The following CAMK2B variants were observed in gnomAD, a reference collection of about 807,000 sequenced individuals.
CAMK2B encodes the protein calcium/calmodulin-dependent protein kinase type II subunit beta.
Under a neutral mutation model 93.7 loss-of-function variants are expected in CAMK2B, and 27 were observed. The ratio of observed to expected loss-of-function variants is 0.29; its 90% CI spans 0.21 to 0.40. CAMK2B has a LOEUF of 0.40. Ranked by LOEUF, CAMK2B falls within the 10% of genes least tolerant of loss-of-function variation. The pLI, the probability that CAMK2B is intolerant of heterozygous loss-of-function variation, is 1.00. For missense variants in CAMK2B, 568 were observed against 895.8 expected (o/e 0.63, Z 4.67); for synonymous variants, 374 against 358.8 (o/e 1.04, Z -0.48).
rs1785189578 is a variant in CAMK2B, at chr7:44,286,575, T to C, written c.66-2350A>G. 6.6e-6 allele frequency among the ~76,000 whole-genome samples: 1 copy of C among 152,160 alleles called. No homozygotes were observed. The highest frequency in any genetic ancestry group is 1.5e-5 in the Non-Finnish European group (1 of 68,020). Reference sequence around the variant, plus strand: ...GCAGAGGGCGGCAAGCCACAGCTGTTCCTCAGCACACGACATCCATGCACC... The same window carrying C: ...GCAGAGGGCGGCAAGCCACAGCTGTCCCTCAGCACACGACATCCATGCACC... On this transcript the variant is annotated intron_variant, in intron 1 of 23. Coordinates refer to ENST00000395749, the MANE Select transcript of CAMK2B (RefSeq NM_001220.5). This position sits in a 1 kb window ranked among gnomAD's most constrained non-coding sequence, Gnocchi z 4.0.
chr7:44,254,463 A>G, intron 5 of CAMK2B, 79 bp downstream of exon 5: 2 of 1,037,318 alleles, frequency 1.9e-6, no homozygotes, highest in Non-Finnish European at 3.0e-6. Context: ...GGTTAGAAAG[A>G]GCAGCAGGAG....
chr7:44,231,118 G>T, intron 16 of CAMK2B, 64 bp from the exon 17 acceptor site: 1 of 1,357,740 alleles, frequency 7.4e-7, no homozygotes. Context: ...GTGGCTGAGG[G>T]CAGGTGGACA....
At chr7:44,276,165 T>C (rs1192028053) in intron 2 of CAMK2B, among the ~76,000 whole-genome samples, 1 of 113,760 alleles carries the variant, frequency 8.8e-6, no homozygotes, top group Non-Finnish European at 1.8e-5. Context: ...GCAGGGCCCC[T>C]GAGCCGGGGA....
intron 2 of CAMK2B, among the ~76,000 whole-genome samples, chr7:44,265,903 T>C: frequency 6.6e-6 from 1 of 151,596 alleles, no homozygotes; most frequent in East Asian, 1.9e-4. Flanking sequence ...TGACACAAGA[T>C]CTAAGCTGGT....
intron 1 of CAMK2B, chr7:44,323,915 G>C (rs1432194018): frequency 6.2e-6 from 1 of 161,138 alleles, no homozygotes; most frequent in African/African-American, 2.4e-5. Context: ...CCCACTCAGG[G>C]ATCCGCATGA....
chr7:44,274,183 C>G (rs1200781832), intron 2 of CAMK2B, among the ~76,000 whole-genome samples: 2 of 152,200 alleles, frequency 1.3e-5, no homozygotes, highest in Non-Finnish European at 2.9e-5. Context: ...CTAATCACTC[C>G]ACACCGAGCT....
chr7:44,233,477 A>T (rs1253842758), intron 15 of CAMK2B, among the ~76,000 whole-genome samples: 4 of 152,082 alleles, frequency 2.6e-5, no homozygotes, highest in African/African-American at 9.7e-5. Context: ...CAAACCCAGT[A>T]TTCCCGTGGG....
At chr7:44,317,006 T>A (rs977108474) in intron 1 of CAMK2B, among the ~76,000 whole-genome samples, 23 of 152,124 alleles carry the variant, frequency 1.5e-4, no homozygotes, top group African/African-American at 5.6e-4. Flanking sequence ...CCCTATCATA[T>A]AATTTTTTTA....
chr7:44,281,866 G>T (rs925466311), intron 2 of CAMK2B, among the ~76,000 whole-genome samples: 12 of 152,122 alleles, frequency 7.9e-5, no homozygotes, highest in African/African-American at 2.7e-4. Context: ...CCCGGCCAGG[G>T]GCCACCTCCA....
chr7:44,228,503 T>TA (rs1481583246), intron 19 of CAMK2B, among the ~76,000 whole-genome samples: 4 of 152,040 alleles, frequency 2.6e-5, no homozygotes, highest in African/African-American at 9.7e-5. Flanking sequence ...GGGCCAGGGC[T>TA]GCCCAGGGCT....
intron 13 of CAMK2B, among the ~76,000 whole-genome samples, chr7:44,236,189 C>A (rs1354830400): frequency 6.6e-6 from 1 of 152,248 alleles, no homozygotes; most frequent in African/African-American, 2.4e-5. Flanking sequence ...CCTGGGCCTG[C>A]TGCCTGCTGA....
At chr7:44,231,141 TGTCAGGA>T in intron 16 of CAMK2B, 87 bp from the exon 17 acceptor site, 2 of 929,106 alleles carry the variant, frequency 2.2e-6, no homozygotes, top group Non-Finnish European at 3.2e-6. Flanking sequence ...GCTGGGCCTG[TGTCAGGA>T]CCAGCCCAGG....
rs773041811 is a variant in CAMK2B at position 44,225,842 on chromosome 7, G to A, written c.1597+674C>T. The stretch of plus-strand genomic sequence containing the variant: ...GTATCTCCACACCACCCCCAGTCTG[G>A]TGTCTCCCCACAGGTGGGGGTGGCA... On this transcript the variant is annotated intron_variant, in intron 20 of 23. Coordinates refer to ENST00000395749, the MANE Select transcript of CAMK2B (RefSeq NM_001220.5). The surrounding 1 kb of genome is among the most constrained non-coding windows in gnomAD (Gnocchi z 5.0). 1.2e-5 allele frequency: 16 copies of A among 1,289,366 alleles called. No homozygotes were observed. In the South Asian group the frequency reaches 1.5e-4, roughly 12 times the overall value. 79.9% of individuals were successfully genotyped at this position (1,289,366 alleles called of 1,614,324 possible).
At chr7:44,262,860 T>C (rs2096891226) in intron 3 of CAMK2B, 145 bp downstream of exon 3, 1 of 673,534 alleles carries the variant, frequency 1.5e-6, no homozygotes, top group Non-Finnish European at 2.5e-6. Context: ...GGGGGCGTCC[T>C]CAGGGGCTTC....
intron 5 of CAMK2B, among the ~76,000 whole-genome samples, chr7:44,247,427 C>T (rs1009133664): frequency 4.6e-5 from 7 of 152,200 alleles, no homozygotes; most frequent in Admixed American, 2.0e-4. Flanking sequence ...GTTCAGAGGG[C>T]ATGGCTAGGC....
chr7:44,273,300 G>A (rs2096992787), intron 2 of CAMK2B, among the ~76,000 whole-genome samples: 1 of 152,128 alleles, frequency 6.6e-6, no homozygotes, highest in Admixed American at 6.5e-5. Context: ...TCCTCTCTGG[G>A]CTCTGAGTAT....
intron 1 of CAMK2B, among the ~76,000 whole-genome samples, chr7:44,307,193 A>T: frequency 3.7e-5 from 1 of 27,326 alleles, no homozygotes; most frequent in African/African-American, 1.5e-4. Context: ...GTGAGCAGAG[A>T]GAGGAGGGTG....
intron 9 of CAMK2B, 73 bp downstream of exon 9, chr7:44,242,487 C>A: frequency 2.0e-6 from 3 of 1,510,320 alleles, no homozygotes; most frequent in Non-Finnish European, 2.7e-6. Flanking sequence ...CACTCCTAGC[C>A]TCTTCCCACG....
intron 1 of CAMK2B, among the ~76,000 whole-genome samples, chr7:44,289,298 C>T (rs1033484762): frequency 3.9e-5 from 6 of 152,190 alleles, no homozygotes; most frequent in Admixed American, 3.9e-4. Context: ...CACCTCTCCC[C>T]GGAGAGCTGG....
Sources: gnomAD v4.1 joint callset for allele counts (sites outside exome capture counted in the v4.1 genomes callset) on GRCh38, gnomAD v4.1.1 for gene constraint, Gnocchi (gnomAD v3.1) non-coding constraint, MANE v1.5 for transcripts, NCBI Gene and HGNC (gene_info 2026-07-23, HGNC 2026-07-21) for gene names.